The following DNAH9 variants were observed in gnomAD, a reference collection of about 807,000 sequenced individuals.
DNAH9 encodes the protein DNAH9 variant protein.
DNAH9 carries 345 observed loss-of-function variants against 471.6 expected under a neutral mutation model. That is an observed-to-expected ratio of 0.73 (90% CI 0.67 to 0.80). The LOEUF (loss-of-function observed/expected upper bound fraction) is 0.80. Among genes scored for constraint, DNAH9 ranks in the 30% least tolerant of loss-of-function variants. DNAH9 has a pLI of 0.00. For missense variants in DNAH9, 5,407 were observed against 5,609.2 expected (o/e 0.96, Z 1.15); for synonymous variants, 2,093 against 2,123.6 (o/e 0.99, Z 0.40).
chr17:11,740,162 T>C (rs1303850804), intron 29 of DNAH9, among the ~76,000 whole-genome samples: 1 of 152,240 alleles, frequency 6.6e-6, no homozygotes, highest in Non-Finnish European at 1.5e-5. Context: ...TGACCATTTG[T>C]TTCTACAAAG....
intron 61 of DNAH9, among the ~76,000 whole-genome samples, chr17:11,920,036 T>TTCC (rs1974086499): frequency 1.3e-5 from 1 of 77,782 alleles, no homozygotes. Flanking sequence ...AAGTTCTTTC[T>TTCC]TTTTTTTTTT....
chr17:11,681,662 T>C (rs925161893), intron 19 of DNAH9, among the ~76,000 whole-genome samples: 1 of 152,174 alleles, frequency 6.6e-6, no homozygotes, highest in Non-Finnish European at 1.5e-5. Flanking sequence ...CTCCTCTATA[T>C]TGTTGGGTAG....
rs745808822 is a variant in DNAH9 at position 11,881,445 on chromosome 17, C to T, written c.10806+32C>T. The T allele has an allele frequency of 3.1e-6, 5 of 1,595,816 alleles. No individual in the cohort carries two copies. In the Admixed American group the frequency reaches 6.8e-5, roughly 22 times the overall value. ...ACAGAAGGGAGAAAATGTTCTGCCA[C>T]TAGAGCCTGCAGTGTACTCCACTCT... On this transcript the variant is annotated intron_variant, in intron 55 of 68. Coordinates refer to ENST00000262442, the MANE Select transcript of DNAH9 (RefSeq NM_001372.4).
At position 11,937,709 on chromosome 17, in the gene DNAH9, T is replaced by C. The variant is rs1974760396; in HGVS notation, c.12660+187T>C. 6.6e-6 allele frequency among the ~76,000 whole-genome samples: 1 copy of C among 152,228 alleles called. No homozygotes were observed. The highest frequency in any genetic ancestry group is 2.4e-5 in the African/African-American group (1 of 41,462). On this transcript the variant is annotated intron_variant, in intron 66 of 68. Coordinates refer to ENST00000262442, the MANE Select transcript of DNAH9 (RefSeq NM_001372.4). This position sits in a 1 kb window ranked among gnomAD's most constrained non-coding sequence, Gnocchi z 4.1. ...CTCTCCCCTCCCGTCATCACCATGC[T>C]GGCCATCAGTTAAATCATAGGAAGT...
chr17:11,724,649 C>G (rs2075121680), intron 27 of DNAH9, among the ~76,000 whole-genome samples: 2 of 152,104 alleles, frequency 1.3e-5, no homozygotes, highest in African/African-American at 4.8e-5. Context: ...TTCTGAATTT[C>G]CACTTAGTAT....
At chr17:11,863,596 G>A (rs1334577912) in intron 50 of DNAH9, among the ~76,000 whole-genome samples, 2 of 151,598 alleles carry the variant, frequency 1.3e-5, no homozygotes, top group East Asian at 3.9e-4. Flanking sequence ...TGAAGGAATG[G>A]TGCCAGCTCC....
chr17:11,733,150 G>A (rs1163815553), intron 28 of DNAH9, among the ~76,000 whole-genome samples: 1 of 152,246 alleles, frequency 6.6e-6, no homozygotes, highest in African/African-American at 2.4e-5. Flanking sequence ...GCGGGCCAGG[G>A]AGGATGTTAA....
intron 36 of DNAH9, among the ~76,000 whole-genome samples, chr17:11,764,591 G>A (rs1358691740): frequency 2.0e-5 from 3 of 152,000 alleles, no homozygotes; most frequent in African/African-American, 7.3e-5. Flanking sequence ...GACTATTTTA[G>A]CTGTATCATG....
chr17:11,852,083 G>A (rs1218910458), intron 49 of DNAH9, among the ~76,000 whole-genome samples: 1 of 152,164 alleles, frequency 6.6e-6, no homozygotes, highest in African/African-American at 2.4e-5. Flanking sequence ...CCTCACAGGT[G>A]TATTGGGACC....
In DNAH9 at chr17:11,834,905, G is replaced by A. The variant is rs1970796279; in HGVS notation, c.9507+7G>A. On this transcript the variant is annotated splice_region_variant and intron_variant, in intron 49 of 68. Transcript: ENST00000262442. ...TCTCAACACCCTGAACAAGGTAGGAGGACTGTCTGCCATACCTGCTCATCC... is the reference window on the plus strand; with the variant it reads ...TCTCAACACCCTGAACAAGGTAGGAAGACTGTCTGCCATACCTGCTCATCC... 6.2e-7 allele frequency: 1 copy of A among 1,611,156 alleles called. No homozygotes were observed. The highest frequency in any genetic ancestry group is 1.3e-5 in the African/African-American group (1 of 74,990).
intron 59 of DNAH9, among the ~76,000 whole-genome samples, chr17:11,896,979 C>T (rs938632259): frequency 5.3e-5 from 8 of 152,202 alleles, no homozygotes; most frequent in Non-Finnish European, 1.2e-4. Flanking sequence ...AATCCCAGCT[C>T]CTTGGGAGGC....
intron 49 of DNAH9, among the ~76,000 whole-genome samples, chr17:11,846,843 T>C (rs1360682370): frequency 7.2e-5 from 10 of 138,996 alleles, no homozygotes; most frequent in African/African-American, 2.2e-4. Flanking sequence ...GTGATTTTTG[T>C]ACATTGATTT....
intron 59 of DNAH9, among the ~76,000 whole-genome samples, chr17:11,895,751 T>A (rs1426202357): frequency 6.6e-6 from 1 of 152,230 alleles, no homozygotes; most frequent in Non-Finnish European, 1.5e-5. Context: ...TAATTTGCTG[T>A]CATCTCAAGG....
rs201257493 is a variant in DNAH9, at chr17:11,934,032, C to T, written c.12450C>T (p.Phe4150=). The T allele has an allele frequency of 6.2e-7, 1 of 1,614,100 alleles. No homozygotes were observed. Among genetic ancestry groups the T allele is most frequent in the Non-Finnish European group, 8.5e-7 (1 of 1,179,980 alleles). The change falls in exon 65 of 69, where the codon TTC becomes TTT. Residue 4150 remains phenylalanine (F), a synonymous_variant. Coordinates refer to ENST00000262442, the MANE Select transcript of DNAH9 (RefSeq NM_001372.4). ...LEGELSLAPG[F]PLPGNMDYNG... ...GAGAACTGTCTTTGGCCCCAGGGTT[C>T]CCACTCCCAGGCAACATGGACTACA...
intron 14 of DNAH9, among the ~76,000 whole-genome samples, chr17:11,657,472 G>A (rs987631369): frequency 1.3e-5 from 2 of 152,056 alleles, no homozygotes; most frequent in Non-Finnish European, 2.9e-5. Context: ...AGATATGTGT[G>A]TTGTGAATAT....
chr17:11,942,577 GCTGGGGAGCAGTTGTCCT>G, intron 67 of DNAH9, 92 bp downstream of exon 67: 1 of 1,373,122 alleles, frequency 7.3e-7, no homozygotes, highest in Non-Finnish European at 9.8e-7. Context: ...GGACCTGAAA[GCTGGGGAGCAGTTGTCCT>G]GCAGCATCCT....
At chr17:11,875,419 G>A (rs970743157) in intron 53 of DNAH9, among the ~76,000 whole-genome samples, 2 of 152,076 alleles carry the variant, frequency 1.3e-5, no homozygotes, top group Non-Finnish European at 2.9e-5. Flanking sequence ...CCCATTCTGG[G>A]GTCCTTTCTT....
intron 49 of DNAH9, among the ~76,000 whole-genome samples, chr17:11,843,861 G>GTATATATATATATATATATA (rs1166364623): frequency 3.0e-4 from 16 of 54,172 alleles, no homozygotes; most frequent in Admixed American, 5.7e-4. Context: ...GTGTGTGTGT[G>GTATATATATATATATATATA]TGTATATATA....
At chr17:11,926,090 A>G (rs948979650) in intron 62 of DNAH9, among the ~76,000 whole-genome samples, 4 of 149,934 alleles carry the variant, frequency 2.7e-5, no homozygotes, top group African/African-American at 4.9e-5. Flanking sequence ...ACACTTAACA[A>G]ATTCCTATTT....
Sources: gnomAD v4.1 joint callset for allele counts (sites outside exome capture counted in the v4.1 genomes callset) on GRCh38, gnomAD v4.1.1 for gene constraint, Gnocchi (gnomAD v3.1) non-coding constraint, MANE v1.5 for transcripts, NCBI Gene and HGNC (gene_info 2026-07-23, HGNC 2026-07-21) for gene names.